Variants in DDX46 observed in about 807,000 individuals in gnomAD.
DDX46 encodes the protein DEAD-box helicase 46.
Under a neutral mutation model 134.9 loss-of-function variants are expected in DDX46, and 30 were observed. That is an observed-to-expected ratio of 0.22 (90% CI 0.17 to 0.30). The LOEUF (loss-of-function observed/expected upper bound fraction) is 0.30, where lower values mean the gene tolerates loss of function less well. DDX46 is among the 10% of genes least tolerant of loss of function. The probability of loss-of-function intolerance (pLI) is 1.00; values close to 1 mark genes in which losing one functional copy is unlikely to be tolerated. For missense variants in DDX46, 622 were observed against 1,248.7 expected (o/e 0.50, Z 7.56); for synonymous variants, 415 against 404.1 (o/e 1.03, Z -0.32).
intron 2 of DDX46, among the ~76,000 whole-genome samples, 168 bp from the exon 3 acceptor site, chr5:134,766,749 T>G (rs1258912200): frequency 5.9e-5 from 9 of 152,114 alleles, no homozygotes; most frequent in African/African-American, 2.2e-4. Flanking sequence ...TAAATTAGTA[T>G]TCTCATTTTT....
At chr5:134,814,190 T>C (rs762090000) in intron 18 of DDX46, among the ~76,000 whole-genome samples, 3 of 152,194 alleles carry the variant, frequency 2.0e-5, no homozygotes, top group African/African-American at 4.8e-5. Context: ...CTGTACCTAA[T>C]TTATAAATTA....
chr5:134,777,884 G>T, intron 6 of DDX46, 159 bp downstream of exon 6: 1 of 766,618 alleles, frequency 1.3e-6, no homozygotes, highest in Non-Finnish European at 1.9e-6. Flanking sequence ...CAGAGATACT[G>T]GTAAATTTTA....
At chr5:134,805,605 G>A (rs1361457874) in intron 15 of DDX46, among the ~76,000 whole-genome samples, 3 of 150,632 alleles carry the variant, frequency 2.0e-5, no homozygotes, top group East Asian at 2.0e-4. Context: ...CTTGGCTCAC[G>A]GCAATTTCCA....
At chr5:134,767,433 C>A (rs1391693039) in intron 3 of DDX46, among the ~76,000 whole-genome samples, 4 of 152,024 alleles carry the variant, frequency 2.6e-5, no homozygotes, top group African/African-American at 9.7e-5. Flanking sequence ...AACTTGTAGA[C>A]TCAAGCAATC....
At chr5:134,761,730 C>T (rs1753392534) in intron 1 of DDX46, among the ~76,000 whole-genome samples, 1 of 152,188 alleles carries the variant, frequency 6.6e-6, no homozygotes, top group South Asian at 2.1e-4. Context: ...TTCTCTCTTG[C>T]TGTCACACTT....
At chr5:134,802,155 CTTTCT>C (rs1452512797) in intron 15 of DDX46, among the ~76,000 whole-genome samples, 3 of 111,828 alleles carry the variant, frequency 2.7e-5, no homozygotes, top group African/African-American at 1.0e-4. Context: ...TGGATAATTT[CTTTCT>C]TTTTTTTTTT....
intron 1 of DDX46, among the ~76,000 whole-genome samples, chr5:134,762,681 T>A (rs1022596652): frequency 6.6e-6 from 1 of 151,006 alleles, no homozygotes; most frequent in Non-Finnish European, 1.5e-5. Context: ...TGCAGTGAGC[T>A]GAGATGGTGC....
Position 134,828,720 on chromosome 5 carries a change from A to C in DDX46, c.*14A>C. On this transcript the variant is annotated 3_prime_UTR_variant, in exon 23 of 23. Coordinates refer to ENST00000452510, the MANE Select transcript of DDX46 (RefSeq NM_001300860.2). ...AAAGTCTTATAGACATCCGGAAAAA[A>C]GATTTTTACCTGTGCTGGTCTATGA... 1 of 1,498,056 alleles carries C rather than the reference A, an allele frequency of 6.7e-7. No individual in the cohort carries two copies. The highest frequency in any genetic ancestry group is 1.4e-5 in the African/African-American group (1 of 69,762). 92.8% of individuals were successfully genotyped at this position (1,498,056 alleles called of 1,614,324 possible).
intron 15 of DDX46, among the ~76,000 whole-genome samples, chr5:134,802,017 G>A (rs578061550): frequency 1.2e-4 from 18 of 151,916 alleles, no homozygotes; most frequent in African/African-American, 2.2e-4. Context: ...GAAATTCTTC[G>A]TTATTTCTTT....
intron 6 of DDX46, chr5:134,777,960 C>A (rs936048311): frequency 1.7e-5 from 6 of 355,326 alleles, no homozygotes; most frequent in Non-Finnish European, 2.0e-5. Flanking sequence ...TCTTTGCTTA[C>A]ATATTAACCT....
At chr5:134,776,293 G>A (rs1561855695) in intron 5 of DDX46, among the ~76,000 whole-genome samples, 1 of 152,176 alleles carries the variant, frequency 6.6e-6, no homozygotes, top group East Asian at 1.9e-4. Context: ...GGGAGGCTGA[G>A]GCAGAAGAAT....
chr5:134,819,069 G>A (rs577141363), intron 21 of DDX46, 65 bp downstream of exon 21: 1,006 of 1,556,692 alleles, frequency 6.5e-4, no homozygotes, highest in Non-Finnish European at 7.9e-4. Context: ...TGTAATAAAC[G>A]CAAAGAGCAT....
In DDX46 at chr5:134,802,644, G is replaced by A. The variant is rs1004580241; in HGVS notation, c.1955-5104G>A. Among the ~76,000 whole-genome samples the A allele has an allele frequency of 6.6e-5, 10 of 152,020 alleles. No individual in the cohort carries two copies. The South Asian group carries it at 2.1e-3, about 32-fold the overall frequency. On this transcript the variant is annotated intron_variant, in intron 15 of 22. Coordinates refer to ENST00000452510, the MANE Select transcript of DDX46 (RefSeq NM_001300860.2). The stretch of plus-strand genomic sequence containing the variant: ...GTTTGTCTGATTAGATTTTCTAGAC[G>A]TTCCTTGTAAGCATTTTTAAAAAGT...
intron 13 of DDX46, among the ~76,000 whole-genome samples, chr5:134,793,011 G>T (rs1019450445): frequency 3.9e-5 from 6 of 152,068 alleles, no homozygotes; most frequent in African/African-American, 1.4e-4. Context: ...ATAAAAATTA[G>T]CTGGGTGTGG....
intron 19 of DDX46, 162 bp from the exon 20 acceptor site, chr5:134,817,334 A>G: frequency 3.1e-6 from 2 of 646,154 alleles, no homozygotes; most frequent in East Asian, 2.8e-5. Flanking sequence ...TTATAAATAT[A>G]TATTGCTAAA....
intron 10 of DDX46, 65 bp downstream of exon 10, chr5:134,784,606 T>C: frequency 6.8e-7 from 1 of 1,475,246 alleles, no homozygotes; most frequent in Non-Finnish European, 9.1e-7. Context: ...AAAGACCTTA[T>C]AGTTTATAAT....
At position 134,764,107 on chromosome 5, in the gene DDX46, A is replaced by C. The variant is rs1259075105; in HGVS notation, c.206+15A>C. The C allele has an allele frequency of 1.3e-6, 2 of 1,583,234 alleles. No homozygotes were observed. Among genetic ancestry groups the C allele is most frequent in the Non-Finnish European group, 1.7e-6 (2 of 1,164,190 alleles). ...AAGCGTCTGAGGTAAGACATTAATT[A>C]ATTTCCAAAAGACGAGTGATAAATT... On this transcript the variant is annotated intron_variant, in intron 2 of 22. Coordinates refer to ENST00000452510, the MANE Select transcript of DDX46 (RefSeq NM_001300860.2).
chr5:134,780,093 AAT>A lies in DDX46; in HGVS notation c.766-1035_766-1034del, dbSNP rs1242465153. ...ACAGAATAAGACTCAGTCTGAAAAA[AAT>A]ATATGTGTGTGTGTGTGTGTGTGTG... On this transcript the variant is annotated intron_variant, in intron 6 of 22. Coordinates refer to ENST00000452510, the MANE Select transcript of DDX46 (RefSeq NM_001300860.2). 1.1e-3 allele frequency among the ~76,000 whole-genome samples: 140 copies of A among 125,568 alleles called. 1 individual carries two copies. Among genetic ancestry groups the A allele is most frequent in the African/African-American group, 2.9e-3 (82 of 28,214 alleles). The allele number at this position is 125,568 out of a possible 152,430, so 82.4% of individuals were successfully genotyped here. A position where few individuals can be genotyped will look rare whatever the true frequency, so the allele number is the denominator to read the frequency against.
chr5:134,790,109 A>G, intron 12 of DDX46: 1 of 469,738 alleles, frequency 2.1e-6, no homozygotes. Context: ...TTTCTAGGTG[A>G]TGCTGTCAGA....
Sources: gnomAD v4.1 joint callset for allele counts (sites outside exome capture counted in the v4.1 genomes callset) on GRCh38, gnomAD v4.1.1 for gene constraint, MANE v1.5 for transcripts, NCBI Gene and HGNC (gene_info 2026-07-23, HGNC 2026-07-21) for gene names.